The following KIRREL3 variants were observed in gnomAD, a reference collection of about 807,000 sequenced individuals.
The protein encoded by KIRREL3 is kin of IRRE-like protein 3.
Under a neutral mutation model 89.7 loss-of-function variants are expected in KIRREL3, and 36 were observed. The observed-to-expected ratio is 0.40, with a 90% CI of 0.31 to 0.53. The LOEUF is 0.53. Ranked by LOEUF, KIRREL3 falls within the 20% of genes least tolerant of loss-of-function variation. The pLI is 0.49. For missense variants in KIRREL3, 864 were observed against 1,056.6 expected, an observed-to-expected ratio of 0.82 and a Z score of 2.53; for synonymous variants, 445 against 441.4, an observed-to-expected ratio of 1.01 and a Z score of -0.10.
At chr11:126,835,709 G>C (rs1943758197) in intron 1 of KIRREL3, among the ~76,000 whole-genome samples, 1 of 152,216 alleles carries the variant, frequency 6.6e-6, no homozygotes, top group African/African-American at 2.4e-5. Flanking sequence ...TTGAAGTGTG[G>C]TGTTGTAAAG....
intron 1 of KIRREL3, among the ~76,000 whole-genome samples, chr11:126,826,988 G>A (rs1331478602): frequency 6.6e-6 from 1 of 152,150 alleles, no homozygotes; most frequent in East Asian, 1.9e-4. Context: ...AGGCTGCTGG[G>A]ATTATGGTGG....
chr11:126,547,864 A>T (rs935308548), intron 2 of KIRREL3, among the ~76,000 whole-genome samples: 1 of 152,190 alleles, frequency 6.6e-6, no homozygotes, highest in Non-Finnish European at 1.5e-5. Flanking sequence ...CTCCCGAGGC[A>T]GGGTGGAAGT....
At chr11:126,862,364 C>T (rs548711583) in intron 1 of KIRREL3, among the ~76,000 whole-genome samples, 20 of 152,328 alleles carry the variant, frequency 1.3e-4, no homozygotes, top group East Asian at 3.9e-4. Context: ...AAAATTGTAA[C>T]GAGTAATTAT....
At chr11:126,932,943 A>T (rs1368527983) in intron 1 of KIRREL3, among the ~76,000 whole-genome samples, 1 of 152,212 alleles carries the variant, frequency 6.6e-6, no homozygotes, top group Non-Finnish European at 1.5e-5. Flanking sequence ...TATTTAAAAG[A>T]CACTTCGCTG....
At chr11:126,451,356 G>GTGTGTGCGTA (rs1565464397) in intron 7 of KIRREL3, among the ~76,000 whole-genome samples, 11 of 134,200 alleles carry the variant, frequency 8.2e-5, no homozygotes, top group South Asian at 4.7e-4. Context: ...GTGTGCGTAT[G>GTGTGTGCGTA]TGAGTGTGAC....
chr11:126,771,602 T>C lies in KIRREL3; in HGVS notation c.56-208690A>G, dbSNP rs1950023764. On this transcript the variant is annotated intron_variant, in intron 1 of 16. Coordinates refer to ENST00000525144, the MANE Select transcript of KIRREL3 (RefSeq NM_032531.4). This position sits in a 1 kb window ranked among gnomAD's most constrained non-coding sequence, Gnocchi z 4.4. ...TAGTTTTACCAGGGCAGGGAGACAC[T>C]GTCTTTCACATTCAGTGCTGTATTA... is the stretch of plus-strand genomic sequence containing the variant. 1.3e-5 allele frequency among the ~76,000 whole-genome samples: 2 copies of C among 152,234 alleles called. No homozygotes were observed. Among genetic ancestry groups the C allele is most frequent in the Non-Finnish European group, 2.9e-5 (2 of 68,034 alleles).
intron 1 of KIRREL3, among the ~76,000 whole-genome samples, chr11:126,895,338 C>T (rs1946107030): frequency 6.6e-6 from 1 of 151,434 alleles, no homozygotes; most frequent in African/African-American, 2.4e-5. Flanking sequence ...TGGAGGGCAC[C>T]AGTAATCCCA....
At chr11:126,559,032 G>C (rs1309019480) in intron 2 of KIRREL3, among the ~76,000 whole-genome samples, 1 of 152,162 alleles carries the variant, frequency 6.6e-6, no homozygotes, top group Non-Finnish European at 1.5e-5. Flanking sequence ...CTGGCAGTAG[G>C]TGGGGTGAGG....
chr11:126,959,410 C>T (rs567691358), intron 1 of KIRREL3, among the ~76,000 whole-genome samples: 2 of 152,238 alleles, frequency 1.3e-5, no homozygotes, highest in South Asian at 2.1e-4. Flanking sequence ...TCTGGAAACC[C>T]CTGACTCTTA....
chr11:126,857,659 A>C (rs1044762894), intron 1 of KIRREL3, among the ~76,000 whole-genome samples: 16 of 151,910 alleles, frequency 1.1e-4, no homozygotes, highest in African/African-American at 2.7e-4. Context: ...CAGAAGCAGC[A>C]TTTCCAGGAC....
intron 1 of KIRREL3, among the ~76,000 whole-genome samples, chr11:126,733,388 T>C (rs78855569): frequency 0.042 from 6,360 of 152,212 alleles, 429 homozygotes; most frequent in African/African-American, 0.14. Flanking sequence ...ACACCTTAAT[T>C]CTCTTCCCCA....
At chr11:126,785,496 G>C (rs1255135104) in intron 1 of KIRREL3, among the ~76,000 whole-genome samples, 2 of 152,034 alleles carry the variant, frequency 1.3e-5, no homozygotes, top group Non-Finnish European at 2.9e-5. Context: ...TCTTTCTAAG[G>C]GGCAGGAGAG....
At position 126,473,319 on chromosome 11, in the gene KIRREL3, G is replaced by A; in HGVS notation, c.581C>T (p.Thr194Ile). The A allele has an allele frequency of 3.4e-6, 5 of 1,483,322 alleles. No individual in the cohort carries two copies. The highest frequency in any genetic ancestry group is 4.5e-6 in the Non-Finnish European group (5 of 1,112,302). 91.9% of individuals were successfully genotyped at this position (1,483,322 alleles called of 1,614,324 possible). The part of the protein sequence containing the change: ...LRKGEVINGA[T>I]YSKTLLRDGK... ...CCCTCCAGGCCTCACCTTGGAGTAGGTGGCCCCATTGATGACCTCTCCCTT... is the reference window on the plus strand; with the variant it reads ...CCCTCCAGGCCTCACCTTGGAGTAGATGGCCCCATTGATGACCTCTCCCTT... Residue 194 changes from threonine (T) to isoleucine (I), a missense_variant, in exon 5 of 17, where the codon ACC becomes ATC. Coordinates refer to ENST00000525144, the MANE Select transcript of KIRREL3 (RefSeq NM_032531.4).
At chr11:126,469,110 C>A (rs58791145) in intron 5 of KIRREL3, among the ~76,000 whole-genome samples, 1 of 152,206 alleles carries the variant, frequency 6.6e-6, no homozygotes, top group Admixed American at 6.5e-5. Flanking sequence ...GTGCTGCTGT[C>A]GTTCCCATTG....
chr11:126,895,962 G>A (rs1384066997), intron 1 of KIRREL3, among the ~76,000 whole-genome samples: 1 of 152,198 alleles, frequency 6.6e-6, no homozygotes, highest in Non-Finnish European at 1.5e-5. Context: ...AGAGCGAATG[G>A]CAAATTCTCA....
Position 126,565,027 on chromosome 11 carries a change from G to A in KIRREL3, c.56-2115C>T, listed in dbSNP as rs1940414217. ...TCAGCAATGGCTCCTAATGAGAAAG[G>A]GAGTTTGGGCTCCTGGACTAAGCCC... On this transcript the variant is annotated intron_variant, in intron 1 of 16. Coordinates refer to ENST00000525144, the MANE Select transcript of KIRREL3 (RefSeq NM_032531.4). This position sits in a 1 kb window ranked among gnomAD's most constrained non-coding sequence, Gnocchi z 5.4. Among the ~76,000 whole-genome samples, 1 of 152,130 alleles carries A rather than the reference G, an allele frequency of 6.6e-6. No homozygotes were observed. Among genetic ancestry groups the A allele is most frequent in the South Asian group, 2.1e-4 (1 of 4,820 alleles).
At chr11:126,497,496 C>T (rs1384730501) in intron 4 of KIRREL3, among the ~76,000 whole-genome samples, 8 of 152,192 alleles carry the variant, frequency 5.3e-5, no homozygotes, top group African/African-American at 1.7e-4. Flanking sequence ...CTACAGTGGC[C>T]GCAGGGCCAC....
intron 1 of KIRREL3, among the ~76,000 whole-genome samples, chr11:126,800,938 G>A (rs145812638): frequency 6.6e-6 from 1 of 152,310 alleles, no homozygotes; most frequent in East Asian, 1.9e-4. Flanking sequence ...TCTGCTTGCT[G>A]TTGGAGGTTG....
At chr11:126,801,670 T>G (rs1247827018) in intron 1 of KIRREL3, among the ~76,000 whole-genome samples, 1 of 152,200 alleles carries the variant, frequency 6.6e-6, no homozygotes. Flanking sequence ...GTCTGTGAGA[T>G]GGAACTGTTA....
Sources: gnomAD v4.1 joint callset for allele counts (sites outside exome capture counted in the v4.1 genomes callset) on GRCh38, gnomAD v4.1.1 for gene constraint, Gnocchi (gnomAD v3.1) non-coding constraint, MANE v1.5 for transcripts, NCBI Gene and HGNC (gene_info 2026-07-23, HGNC 2026-07-21) for gene names.